The following EFCAB8 variants were observed in gnomAD, a reference collection of about 807,000 sequenced individuals.
The protein encoded by EFCAB8 is EF-hand calcium binding domain 8.
A neutral mutation model predicts 116.3 loss-of-function variants in EFCAB8; 100 were observed. That is an observed-to-expected ratio of 0.86 (90% CI 0.73 to 1.02). The LOEUF is 1.02. EFCAB8 is among the 50% of genes least tolerant of loss of function. The pLI, the probability that EFCAB8 is intolerant of heterozygous loss-of-function variation, is 0.00. For missense variants in EFCAB8, 1,320 were observed against 1,416.9 expected, an observed-to-expected ratio of 0.93 and a Z score of 1.10; for synonymous variants, 558 against 567.9, an observed-to-expected ratio of 0.98 and a Z score of 0.25.
At chr20:32,947,767 A>G (rs964072719) in intron 23 of EFCAB8, among the ~76,000 whole-genome samples, 2 of 152,072 alleles carry the variant, frequency 1.3e-5, no homozygotes, top group Non-Finnish European at 2.9e-5. Flanking sequence ...TCAAATCTCC[A>G]GCCTCAACTT....
At chr20:32,935,061 C>G (rs1163134004) in intron 22 of EFCAB8, among the ~76,000 whole-genome samples, 1 of 151,936 alleles carries the variant, frequency 6.6e-6, no homozygotes. Context: ...TTTGTTTTTC[C>G]TAATGATTAG....
intron 20 of EFCAB8, 152 bp downstream of exon 20, chr20:32,920,367 A>G: frequency 6.5e-6 from 7 of 1,081,890 alleles, no homozygotes; most frequent in Admixed American, 2.9e-5. Flanking sequence ...GGAGACGCTC[A>G]GGATACTGGA....
At chr20:32,897,772 G>T (rs1015670793) in intron 10 of EFCAB8, among the ~76,000 whole-genome samples, 1 of 152,168 alleles carries the variant, frequency 6.6e-6, no homozygotes, top group South Asian at 2.1e-4. Context: ...CTCACTCAGT[G>T]TCTTGGATTC....
At chr20:32,870,983 C>T (rs948915932) in intron 3 of EFCAB8, among the ~76,000 whole-genome samples, 7 of 151,816 alleles carry the variant, frequency 4.6e-5, no homozygotes, top group African/African-American at 1.5e-4. Context: ...CTCAGCCTCC[C>T]GAGTAGCTGG....
intron 1 of EFCAB8, among the ~76,000 whole-genome samples, 186 bp from the exon 2 acceptor site, chr20:32,863,597 G>A (rs1167420273): frequency 6.6e-6 from 1 of 152,190 alleles, no homozygotes; most frequent in African/African-American, 2.4e-5. Flanking sequence ...AAAGCTTTTT[G>A]CTGGAGAAAT....
At chr20:32,861,885 A>G (rs755073184) in intron 1 of EFCAB8, among the ~76,000 whole-genome samples, 7 of 152,002 alleles carry the variant, frequency 4.6e-5, no homozygotes, top group Non-Finnish European at 8.8e-5. Context: ...GCATGTGCCA[A>G]TATGCACATG....
intron 11 of EFCAB8, among the ~76,000 whole-genome samples, chr20:32,901,826 T>C (rs1986442549): frequency 6.6e-6 from 1 of 152,208 alleles, no homozygotes; most frequent in Non-Finnish European, 1.5e-5. Flanking sequence ...TAGCTGGGAT[T>C]ACAGGCACGC....
At chr20:32,859,361 A>G (rs570199882) in intron 1 of EFCAB8, among the ~76,000 whole-genome samples, 39 of 152,300 alleles carry the variant, frequency 2.6e-4, no homozygotes, top group Non-Finnish European at 7.3e-5. Flanking sequence ...AATTCTAAAT[A>G]TCAACCGAGT....
chr20:32,920,155 A>G lies in EFCAB8; in HGVS notation c.2352A>G (p.Glu784=). ...AACAGTCCATTTACAAAGAGGATGA[A>G]ACGAGAAAAGGAGAATGGCAGAAGA... ...HSKQSIYKED[E]TRKGEWQKNM... is the part of the protein sequence containing the mutation. The change falls in exon 20 of 27, where the codon GAA becomes GAG. Residue 784 remains glutamate (E), a synonymous_variant. Transcript: ENST00000400522. 1.3e-6 allele frequency: 2 copies of G among 1,551,740 alleles called. No homozygotes were observed. Among genetic ancestry groups the G allele is most frequent in the Non-Finnish European group, 1.7e-6 (2 of 1,147,004 alleles).
intron 5 of EFCAB8, among the ~76,000 whole-genome samples, chr20:32,879,960 A>G (rs1281756407): frequency 6.6e-6 from 1 of 152,072 alleles, no homozygotes; most frequent in Admixed American, 6.6e-5. Context: ...CTCCCTAAGC[A>G]TGAGGAGCAT....
intron 3 of EFCAB8, among the ~76,000 whole-genome samples, chr20:32,870,054 C>A (rs1984611422): frequency 6.6e-6 from 1 of 152,178 alleles, no homozygotes; most frequent in Non-Finnish European, 1.5e-5. Flanking sequence ...ATCCACTAGA[C>A]CATGCTAGGG....
intron 23 of EFCAB8, among the ~76,000 whole-genome samples, chr20:32,956,943 C>CTTTTTTTTTT (rs61235703): frequency 1.5e-5 from 2 of 132,830 alleles, no homozygotes; most frequent in African/African-American, 2.8e-5. Flanking sequence ...ATGCCCTATT[C>CTTTTTTTTTT]TTTTTTTTTT....
intron 1 of EFCAB8, among the ~76,000 whole-genome samples, chr20:32,861,145 T>G: frequency 6.6e-6 from 1 of 152,212 alleles, no homozygotes; most frequent in Non-Finnish European, 1.5e-5. Context: ...ATGCACTGAT[T>G]TGTTCATTTC....
Position 32,961,355 on chromosome 20 carries a change from G to T in EFCAB8, c.3613G>T (p.Val1205Phe). ...AASSPSSLLS[V>F]TASASRLLDS... ...CTCCTCCCCATCTTCCTTGTTATCT[G>T]TCACTGCCTCAGCCTCCAGGCTGCT... Residue 1205 changes from valine (V) to phenylalanine (F), a missense_variant, in exon 27 of 27, where the codon GTC (valine) becomes TTC (phenylalanine). Coordinates refer to ENST00000400522, the MANE Select transcript of EFCAB8 (RefSeq NM_001143967.2). 6.8e-7 allele frequency: 1 copy of T among 1,472,064 alleles called. No individual in the cohort carries two copies. Among genetic ancestry groups the T allele is most frequent in the Non-Finnish European group, 9.0e-7 (1 of 1,110,888 alleles). The allele number at this position is 1,472,064 out of a possible 1,614,324, so 91.2% of individuals were successfully genotyped here.
intron 9 of EFCAB8, among the ~76,000 whole-genome samples, chr20:32,895,312 GATT>G (rs1429071110): frequency 8.7e-6 from 1 of 114,346 alleles, no homozygotes; most frequent in Non-Finnish European, 1.9e-5. Context: ...TTTTATTTAA[GATT>G]TTTTTTTTTT....
rs144333157 is a variant in EFCAB8, at chr20:32,900,615, G to A, written c.1088+1992G>A. On this transcript the variant is annotated intron_variant, in intron 11 of 26. Coordinates refer to ENST00000400522, the MANE Select transcript of EFCAB8 (RefSeq NM_001143967.2). ...CGGAGTCTCACTGTGTTGCCAAGCT[G>A]GAGTGCAGTGGCACAATCTCGGCTC... Among the ~76,000 whole-genome samples, 1,178 of 152,038 alleles carry A rather than the reference G, an allele frequency of 7.7e-3. 23 individuals are homozygous for A. Among genetic ancestry groups the A allele is most frequent in the African/African-American group, 0.027 (1,134 of 41,452 alleles).
chr20:32,872,649 C>T (rs1040032526), intron 3 of EFCAB8, among the ~76,000 whole-genome samples: 3 of 151,454 alleles, frequency 2.0e-5, no homozygotes, highest in South Asian at 2.1e-4. Context: ...CAAAAATTAG[C>T]TGGGCATGGT....
intron 19 of EFCAB8, 51 bp downstream of exon 19, chr20:32,918,625 C>T (rs561546352): frequency 1.7e-4 from 255 of 1,503,934 alleles, no homozygotes; most frequent in African/African-American, 5.0e-4. Flanking sequence ...TAGCCGCCGG[C>T]GTTCACACAC....
chr20:32,860,408 A>G lies in EFCAB8; in HGVS notation c.-11+1402A>G, dbSNP rs1457398136. Among the ~76,000 whole-genome samples, 3 of 151,676 alleles carry G rather than the reference A, an allele frequency of 2.0e-5. No individual in the cohort carries two copies. In the East Asian group the frequency reaches 5.8e-4, roughly 29 times the overall value. On this transcript the variant is annotated intron_variant, in intron 1 of 26. Transcript: ENST00000400522. ...CAGATCATGTATTTTTTTGGCAATA[A>G]TACTACTGAAGCATTGTGCCCTGCA...
Sources: gnomAD v4.1 joint callset for allele counts (sites outside exome capture counted in the v4.1 genomes callset) on GRCh38, gnomAD v4.1.1 for gene constraint, MANE v1.5 for transcripts, NCBI Gene and HGNC (gene_info 2026-07-23, HGNC 2026-07-21) for gene names.